The following BBX variants were observed in gnomAD, a reference collection of about 807,000 sequenced individuals.
The protein encoded by BBX is BBX high mobility group box domain containing, also known as HMG box transcription factor BBX.
Under a neutral mutation model 100.2 loss-of-function variants are expected in BBX, and 30 were observed. The observed-to-expected ratio is 0.30, with a 90% CI of 0.22 to 0.41. BBX has a LOEUF of 0.41. Ranked by LOEUF, BBX falls within the 10% of genes least tolerant of loss-of-function variation. BBX has a pLI of 1.00. For synonymous variants in BBX, 376 were observed against 388.1 expected, an observed-to-expected ratio of 0.97 and a Z score of 0.37; for missense variants, 1,023 against 1,129.8, an observed-to-expected ratio of 0.91 and a Z score of 1.35.
At chr3:107,740,621 A>G (rs180736397) in intron 7 of BBX, among the ~76,000 whole-genome samples, 1,542 of 152,092 alleles carry the variant, frequency 0.01, 8 homozygotes, top group South Asian at 0.023. Flanking sequence ...TAGAATTCAG[A>G]TTCTCCCACT....
At chr3:107,665,450 T>G (rs1447453493) in intron 3 of BBX, among the ~76,000 whole-genome samples, 1 of 152,124 alleles carries the variant, frequency 6.6e-6, no homozygotes, top group Non-Finnish European at 1.5e-5. Flanking sequence ...GAAAAACGCT[T>G]TGTCACTGTC....
At chr3:107,622,268 A>G (rs935141943) in intron 2 of BBX, among the ~76,000 whole-genome samples, 9 of 152,192 alleles carry the variant, frequency 5.9e-5, no homozygotes, top group Non-Finnish European at 8.8e-5. Flanking sequence ...CTTTATATCA[A>G]CAGTTCATTT....
chr3:107,673,250 G>A (rs1368800115), intron 3 of BBX, among the ~76,000 whole-genome samples: 1 of 152,052 alleles, frequency 6.6e-6, no homozygotes, highest in Non-Finnish European at 1.5e-5. Flanking sequence ...AACGTTCCTT[G>A]TAGTAGAAAT....
At chr3:107,658,388 C>G (rs753656351) in intron 3 of BBX, among the ~76,000 whole-genome samples, 2 of 152,136 alleles carry the variant, frequency 1.3e-5, no homozygotes, top group Non-Finnish European at 2.9e-5. Flanking sequence ...CAAATACTTT[C>G]AAATGCCTTA....
intron 2 of BBX, among the ~76,000 whole-genome samples, chr3:107,539,984 G>A (rs556492727): frequency 7.9e-5 from 12 of 152,288 alleles, no homozygotes; most frequent in African/African-American, 2.4e-4. Context: ...AATTAGGCTG[G>A]TTGATAGGGA....
At chr3:107,802,959 A>G (rs2070682800) in intron 17 of BBX, among the ~76,000 whole-genome samples, 2 of 152,226 alleles carry the variant, frequency 1.3e-5, no homozygotes, top group East Asian at 1.9e-4. Context: ...CCTGCATGCT[A>G]TGCTCACACC....
intron 3 of BBX, among the ~76,000 whole-genome samples, chr3:107,654,072 G>A (rs1403958369): frequency 6.6e-6 from 1 of 152,102 alleles, no homozygotes; most frequent in Admixed American, 6.6e-5. Context: ...TTAAATAGGT[G>A]TATTATAAAA....
intron 2 of BBX, among the ~76,000 whole-genome samples, chr3:107,640,438 G>T (rs1252766844): frequency 6.6e-6 from 1 of 152,038 alleles, no homozygotes; most frequent in African/African-American, 2.4e-5. Flanking sequence ...CATCCTGTCT[G>T]TCTGTATTCC....
chr3:107,637,228 C>T (rs2056902190), intron 2 of BBX, among the ~76,000 whole-genome samples: 2 of 152,136 alleles, frequency 1.3e-5, no homozygotes, highest in Non-Finnish European at 2.9e-5. Context: ...ATGCTCACTT[C>T]TACAGCTAAC....
chr3:107,620,948 G>C (rs1013658763), intron 2 of BBX, among the ~76,000 whole-genome samples: 5 of 150,404 alleles, frequency 3.3e-5, no homozygotes, highest in South Asian at 2.1e-4. Context: ...GTGTGTGGGG[G>C]GGTGGGGGGA....
At chr3:107,769,899 G>A (rs370641078) in intron 10 of BBX, among the ~76,000 whole-genome samples, 1 of 152,118 alleles carries the variant, frequency 6.6e-6, no homozygotes, top group Non-Finnish European at 1.5e-5. Context: ...TGGGTTTTCG[G>A]TTAATGAGTA....
chr3:107,769,475 C>T lies in BBX; in HGVS notation c.907-3153C>T, dbSNP rs557419666. ...TTGGAGCTTTAAGCAAACTAGGATG[C>T]TTGGTCATGAGCCCAGCCCCTTTCA... On this transcript the variant is annotated intron_variant, in intron 10 of 17. Coordinates refer to ENST00000325805, the MANE Select transcript of BBX (RefSeq NM_001142568.3). Among the ~76,000 whole-genome samples the T allele has an allele frequency of 4.6e-4, 70 of 152,140 alleles. 1 individual carries two copies. The South Asian group carries it at 0.014, about 30-fold the overall frequency.
In BBX at chr3:107,748,050, T is replaced by C; in HGVS notation, c.825+11T>C. 1 of 1,604,828 alleles carries C rather than the reference T, an allele frequency of 6.2e-7. No individual in the cohort carries two copies. Among genetic ancestry groups the C allele is most frequent in the East Asian group, 2.2e-5 (1 of 44,710 alleles). On this transcript the variant is annotated intron_variant, in intron 9 of 17. Coordinates refer to ENST00000325805, the MANE Select transcript of BBX (RefSeq NM_001142568.3). ...TTTCAGTTTGCAGAGGTATGGCCTT[T>C]TTAAAATGCTTTTTAGGCTAAGAAA...
chr3:107,762,655 A>G (rs1244200305), intron 10 of BBX, among the ~76,000 whole-genome samples: 1 of 152,228 alleles, frequency 6.6e-6, no homozygotes, highest in East Asian at 1.9e-4. Context: ...TTTGTTTTGT[A>G]CTAAAAAGCA....
intron 3 of BBX, among the ~76,000 whole-genome samples, chr3:107,655,725 G>C (rs1482261466): frequency 2.0e-5 from 3 of 150,436 alleles, no homozygotes; most frequent in Admixed American, 1.3e-4. Context: ...TTTTGAGACG[G>C]AGTCTTGCTC....
At chr3:107,706,574 A>T (rs2061411546) in intron 3 of BBX, among the ~76,000 whole-genome samples, 1 of 152,146 alleles carries the variant, frequency 6.6e-6, no homozygotes, top group South Asian at 2.1e-4. Context: ...GAGTCCATTG[A>T]TAGTTAAATA....
At chr3:107,637,004 T>A (rs1288378019) in intron 2 of BBX, among the ~76,000 whole-genome samples, 1 of 152,208 alleles carries the variant, frequency 6.6e-6, no homozygotes, top group East Asian at 1.9e-4. Flanking sequence ...GCTTGCTATT[T>A]ATTCTTCAGT....
intron 3 of BBX, among the ~76,000 whole-genome samples, chr3:107,648,214 A>T (rs1476088012): frequency 6.6e-6 from 1 of 152,158 alleles, no homozygotes; most frequent in Admixed American, 6.5e-5. Context: ...TTTTGTTGTT[A>T]TATGGAATAT....
intron 2 of BBX, among the ~76,000 whole-genome samples, chr3:107,593,977 G>T (rs1472826947): frequency 1.3e-5 from 2 of 152,104 alleles, no homozygotes; most frequent in Non-Finnish European, 2.9e-5. Context: ...GTTTTGCTGG[G>T]CTCTGATATT....
Sources: gnomAD v4.1 joint callset for allele counts (sites outside exome capture counted in the v4.1 genomes callset) on GRCh38, gnomAD v4.1.1 for gene constraint, MANE v1.5 for transcripts, NCBI Gene and HGNC (gene_info 2026-07-23, HGNC 2026-07-21) for gene names.